OTULIN: variants seen among roughly 807,000 people sequenced by gnomAD.
The protein encoded by OTULIN is ubiquitin thioesterase otulin.
In OTULIN, 15 loss-of-function variants were observed where a neutral mutation model predicts 39.6. The ratio of observed to expected loss-of-function variants is 0.38; its 90% confidence interval spans 0.25 to 0.58. The LOEUF (loss-of-function observed/expected upper bound fraction) is 0.58. Ranked by LOEUF, OTULIN falls within the 20% of genes least tolerant of loss-of-function variation. The pLI, the probability that OTULIN is intolerant of heterozygous loss-of-function variation, is 0.66. For synonymous variants in OTULIN, 156 were observed against 170.3 expected, an observed-to-expected ratio of 0.92 and a Z score of 0.65; for missense variants, 319 against 445.9, an observed-to-expected ratio of 0.72 and a Z score of 2.56.
intron 1 of OTULIN, among the ~76,000 whole-genome samples, chr5:14,670,394 A>G (rs989583136): frequency 3.3e-5 from 5 of 152,224 alleles, no homozygotes; most frequent in African/African-American, 1.2e-4. Flanking sequence ...TACTTAAAAA[A>G]TTAAAGCAAA....
intron 4 of OTULIN, among the ~76,000 whole-genome samples, chr5:14,685,944 C>T (rs929567943): frequency 5.3e-5 from 8 of 152,150 alleles, no homozygotes; most frequent in African/African-American, 1.4e-4. Context: ...CACATGTTGC[C>T]GAAACGCAGG....
rs1034556926 is a variant in OTULIN at position 14,694,494 on chromosome 5, T to A, written c.*1446T>A. 6.6e-6 allele frequency: 1 copy of A among 152,262 alleles called. No individual in the cohort carries two copies. The highest frequency in any genetic ancestry group is 2.4e-5 in the African/African-American group (1 of 41,466). The allele number at this position is 152,262 out of a possible 1,614,324, so 9.4% of individuals were successfully genotyped here. ...TGAAGTACTGAGCTTTGTTTTATAATAATTAAAATCCTTATTTGGTCCAAT... is the reference window on the plus strand; with the variant it reads ...TGAAGTACTGAGCTTTGTTTTATAAAAATTAAAATCCTTATTTGGTCCAAT... On this transcript the variant is annotated 3_prime_UTR_variant, in exon 7 of 7. Transcript: ENST00000284274.
downstream of OTULIN, among the ~76,000 whole-genome samples, chr5:14,701,828 G>T (rs1736801777): frequency 6.6e-6 from 1 of 152,170 alleles, no homozygotes; most frequent in Non-Finnish European, 1.5e-5. Flanking sequence ...TTAAGTGTCA[G>T]GCTGGTCCTG....
chr5:14,707,540 G>A, the OTULIN span: 2 of 152,196 alleles, frequency 1.3e-5, no homozygotes, highest in Non-Finnish European at 2.9e-5. Context: ...AGGGCTGGGA[G>A]TGAGCACTCC....
At chr5:14,672,594 G>A (rs1263478719) in intron 1 of OTULIN, among the ~76,000 whole-genome samples, 2 of 152,088 alleles carry the variant, frequency 1.3e-5, no homozygotes, top group Non-Finnish European at 2.9e-5. Flanking sequence ...GCAGGAGTAT[G>A]GGGAATCGGG....
intron 2 of OTULIN, among the ~76,000 whole-genome samples, chr5:14,676,395 G>C (rs1427840165): frequency 6.6e-6 from 1 of 152,216 alleles, no homozygotes; most frequent in Non-Finnish European, 1.5e-5. Flanking sequence ...CTCCTAGCCT[G>C]GTACCTGGCA....
Position 14,664,832 on chromosome 5 carries a change from C to CG in OTULIN, c.12dup (p.Thr5AspfsTer48), listed in dbSNP as rs944974101. On this transcript the variant is annotated frameshift_variant, in exon 1 of 7. Transcript: ENST00000284274. LOFTEE classifies it high-confidence loss of function. Reference sequence around the variant, plus strand: ...TTCGGCCGCGAGCGACCGCATGAGTCGGGGGACTATGCCCCAGCCCGAAGC... The same window carrying CG: ...TTCGGCCGCGAGCGACCGCATGAGTCGGGGGGACTATGCCCCAGCCCGAAGC... The CG allele has an allele frequency of 3.3e-6, 4 of 1,218,422 alleles. No homozygotes were observed. The highest frequency in any genetic ancestry group is 4.1e-6 in the Non-Finnish European group (4 of 977,854). The allele number at this position is 1,218,422 out of a possible 1,614,324, so 75.5% of individuals were successfully genotyped here. A position where few individuals can be genotyped will look rare whatever the true frequency, so the allele number is the denominator to read the frequency against.
intron 3 of OTULIN, among the ~76,000 whole-genome samples, chr5:14,680,292 T>C (rs970236956): frequency 6.6e-6 from 1 of 152,126 alleles, no homozygotes; most frequent in African/African-American, 2.4e-5. Flanking sequence ...AAAATGTTGT[T>C]ATTGGGGGAA....
intron 2 of OTULIN, among the ~76,000 whole-genome samples, chr5:14,674,670 G>A (rs1736060404): frequency 6.6e-6 from 1 of 152,114 alleles, no homozygotes; most frequent in Non-Finnish European, 1.5e-5. Flanking sequence ...TGGGAGGATC[G>A]CTTGAGCCTG....
At chr5:14,710,564 C>G in the OTULIN span, 2 of 156,140 alleles carry the variant, frequency 1.3e-5, no homozygotes, top group African/African-American at 4.8e-5. Flanking sequence ...ACGGGAGATT[C>G]TGTCCATCTG....
the OTULIN span, chr5:14,710,076 A>T: frequency 6.6e-6 from 1 of 152,340 alleles, no homozygotes; most frequent in South Asian, 2.1e-4. Flanking sequence ...GGAGGACCAC[A>T]TAGTGACTCT....
the OTULIN span, among the ~76,000 whole-genome samples, chr5:14,713,180 G>C: frequency 1.3e-5 from 2 of 152,174 alleles, no homozygotes; most frequent in Non-Finnish European, 2.9e-5. The surrounding 1 kb of genome is among the most constrained non-coding windows in gnomAD (Gnocchi z 4.4). Flanking sequence ...CCCTCCCACA[G>C]CACATGGATC....
At chr5:14,707,898 G>A in the OTULIN span, 1 of 152,274 alleles carries the variant, frequency 6.6e-6, no homozygotes, top group South Asian at 2.1e-4. Flanking sequence ...CCCGATGCAG[G>A]CAGTCATGGG....
the OTULIN span, chr5:14,713,648 G>C: frequency 3.1e-6 from 5 of 1,614,138 alleles, no homozygotes; most frequent in Non-Finnish European, 4.2e-6. This position sits in a 1 kb window ranked among gnomAD's most constrained non-coding sequence, Gnocchi z 4.4. Context: ...GCCACCCGGT[G>C]AGATGCGCCC....
intron 3 of OTULIN, among the ~76,000 whole-genome samples, chr5:14,680,996 GTTGCAGTGAGCCGAGA>G (rs1229364227): frequency 6.6e-6 from 1 of 152,172 alleles, no homozygotes; most frequent in Non-Finnish European, 1.5e-5. Flanking sequence ...GGAGGCCGAG[GTTGCAGTGAGCCGAGA>G]TTGCGCCACT....
rs187029019 is a variant in OTULIN at position 14,687,952 on chromosome 5, A to G, written c.594+306A>G. 109 of 185,164 alleles carry G rather than the reference A, an allele frequency of 5.9e-4. 2 individuals carry two copies. Among genetic ancestry groups the G allele is most frequent in the Admixed American group, 1.2e-3 (20 of 16,272 alleles). 11.5% of individuals were successfully genotyped at this position (185,164 alleles called of 1,614,324 possible). A position where few individuals can be genotyped will look rare whatever the true frequency, so the allele number is the denominator to read the frequency against. On this transcript the variant is annotated intron_variant, in intron 5 of 6. Coordinates refer to ENST00000284274, the MANE Select transcript of OTULIN (RefSeq NM_138348.6). ...TCCAAGTCATATTTATGTTTCAAGA[A>G]TATAATTTGGTTCCTATTTCTTATA...
intron 1 of OTULIN, among the ~76,000 whole-genome samples, chr5:14,669,000 T>C (rs1735917949): frequency 6.6e-6 from 1 of 152,230 alleles, no homozygotes; most frequent in Non-Finnish European, 1.5e-5. Flanking sequence ...TGCAACGTTA[T>C]ATAGCTTACT....
the OTULIN span, chr5:14,705,266 A>G: frequency 1.3e-5 from 2 of 152,212 alleles, no homozygotes; most frequent in Non-Finnish European, 2.9e-5. Flanking sequence ...AATGACTCTA[A>G]GCACACTTAA....
chr5:14,704,931 C>T, the OTULIN span: 1 of 152,216 alleles, frequency 6.6e-6, no homozygotes, highest in South Asian at 2.1e-4. Flanking sequence ...AATGCAAAAA[C>T]TTCCATCTGT....
Sources: allele counts gnomAD v4.1 joint callset (sites outside exome capture counted in the v4.1 genomes callset), GRCh38; gene constraint gnomAD v4.1.1; non-coding constraint Gnocchi (gnomAD v3.1); transcripts MANE v1.5; gene names NCBI Gene and HGNC (gene_info 2026-07-23, HGNC 2026-07-21).